Variants in PCDH9 observed in about 807,000 individuals in gnomAD.
The protein encoded by PCDH9 is protocadherin 9, also known as protocadherin-9.
In PCDH9, 24 loss-of-function variants were observed where a neutral mutation model predicts 70.6. The observed-to-expected ratio is 0.34, with a 90% CI of 0.25 to 0.48. PCDH9 has a LOEUF of 0.48. Ranked by LOEUF, PCDH9 falls within the 20% of genes least tolerant of loss-of-function variation. PCDH9 has a pLI of 0.99. For missense variants in PCDH9, 1,281 were observed against 1,503.6 expected (o/e 0.85, Z 2.45); for synonymous variants, 562 against 558.5 (o/e 1.01, Z -0.09).
At chr13:67,202,238 G>C (rs1404538568) in intron 2 of PCDH9, 1 of 151,836 alleles carries the variant, frequency 6.6e-6, no homozygotes, top group African/African-American at 2.4e-5. Context: ...AATGTACTTT[G>C]CACTTAAATA....
In PCDH9 at chr13:66,848,038, A is replaced by C. The variant is rs376143066; in HGVS notation, c.3138+55466T>G. On this transcript the variant is annotated intron_variant, in intron 3 of 4. Transcript: ENST00000377865. ...ATGTTTTTAGTTTGATTCTTCCACT[A>C]TCTCTGATTTCTTATTACCCATGGC... Among the ~76,000 whole-genome samples the C allele has an allele frequency of 9.9e-5, 15 of 152,250 alleles. No individual in the cohort carries two copies. The East Asian group carries it at 1.2e-3, about 12-fold the overall frequency.
At chr13:67,146,625 A>G (rs118020368) in intron 2 of PCDH9, among the ~76,000 whole-genome samples, 5 of 152,312 alleles carry the variant, frequency 3.3e-5, no homozygotes, top group Non-Finnish European at 7.3e-5. Context: ...AAACCAGCAA[A>G]TGACCCTATC....
At chr13:66,957,782 C>A (rs1235708180) in intron 2 of PCDH9, among the ~76,000 whole-genome samples, 1 of 152,052 alleles carries the variant, frequency 6.6e-6, no homozygotes, top group African/African-American at 2.4e-5. Flanking sequence ...CCCAACCACA[C>A]TGGCACTCTG....
chr13:66,817,800 T>G (rs1211705655), intron 3 of PCDH9, among the ~76,000 whole-genome samples: 1 of 151,988 alleles, frequency 6.6e-6, no homozygotes, highest in East Asian at 1.9e-4. Context: ...CACCCCCAAG[T>G]AATTTTTTGT....
rs193241234 is a variant in PCDH9, at chr13:66,610,609, T to C, written c.3340+20601A>G. Among the ~76,000 whole-genome samples, 85 of 152,294 alleles carry C rather than the reference T, an allele frequency of 5.6e-4. 1 individual carries two copies. The highest frequency in any genetic ancestry group is 2.0e-3 in the African/African-American group (83 of 41,574). ...GGCTCAAAATACCTGAACTTCTTATTTTAAATCATAATCTTCTACTACACA... is the reference window on the plus strand; with the variant it reads ...GGCTCAAAATACCTGAACTTCTTATCTTAAATCATAATCTTCTACTACACA... On this transcript the variant is annotated intron_variant, in intron 4 of 4. Coordinates refer to ENST00000377865, the MANE Select transcript of PCDH9 (RefSeq NM_203487.3).
chr13:67,139,046 T>A (rs777767575), intron 2 of PCDH9, among the ~76,000 whole-genome samples: 8 of 152,170 alleles, frequency 5.3e-5, no homozygotes, highest in Non-Finnish European at 7.4e-5. Flanking sequence ...GAAATGCCAC[T>A]CCGTTCAATT....
At chr13:67,221,157 C>T (rs1248213897) in intron 2 of PCDH9, 2 of 152,032 alleles carry the variant, frequency 1.3e-5, no homozygotes, top group South Asian at 2.1e-4. Context: ...TATATCTATT[C>T]CAGAATTTAA....
chr13:66,959,016 T>C (rs1351437927), intron 2 of PCDH9, among the ~76,000 whole-genome samples: 1 of 152,244 alleles, frequency 6.6e-6, no homozygotes, highest in Non-Finnish European at 1.5e-5. Flanking sequence ...CAGTTTTAAA[T>C]AATCACTTAC....
At chr13:66,768,801 A>G (rs1464159872) in intron 3 of PCDH9, among the ~76,000 whole-genome samples, 1 of 152,080 alleles carries the variant, frequency 6.6e-6, no homozygotes, top group Non-Finnish European at 1.5e-5. Flanking sequence ...TGTGGATCAG[A>G]TGTCTTCCTT....
At chr13:66,327,540 A>G (rs1034647944) in intron 4 of PCDH9, among the ~76,000 whole-genome samples, 24 of 152,194 alleles carry the variant, frequency 1.6e-4, no homozygotes, top group Non-Finnish European at 2.8e-4. Flanking sequence ...ACCTAGGAGT[A>G]ACAAAAATAA....
At chr13:66,349,106 A>G (rs1956256259) in intron 4 of PCDH9, among the ~76,000 whole-genome samples, 1 of 152,192 alleles carries the variant, frequency 6.6e-6, no homozygotes, top group African/African-American at 2.4e-5. Context: ...TGAATTACTG[A>G]GAGTTTGACA....
chr13:66,897,168 C>G (rs974487709), intron 3 of PCDH9, among the ~76,000 whole-genome samples: 1 of 150,722 alleles, frequency 6.6e-6, no homozygotes, highest in African/African-American at 2.4e-5. Flanking sequence ...GCATGCATAA[C>G]GTTGCCTCTG....
At chr13:67,146,792 A>G (rs2087533522) in intron 2 of PCDH9, among the ~76,000 whole-genome samples, 2 of 152,210 alleles carry the variant, frequency 1.3e-5, no homozygotes, top group South Asian at 4.1e-4. Context: ...ACTCTGCCAG[A>G]AAAGCCTACT....
chr13:67,037,251 T>C (rs1353640675), intron 2 of PCDH9, among the ~76,000 whole-genome samples: 3 of 152,304 alleles, frequency 2.0e-5, no homozygotes, highest in Admixed American at 2.0e-4. Flanking sequence ...GTTGGAACTG[T>C]TCTTTATCAG....
chr13:67,040,139 C>G (rs1244921229), intron 2 of PCDH9, among the ~76,000 whole-genome samples: 1 of 152,168 alleles, frequency 6.6e-6, no homozygotes, highest in African/African-American at 2.4e-5. Flanking sequence ...CAGAATTGGG[C>G]TATTTCATAA....
At chr13:66,638,776 G>T (rs1210634761) in intron 3 of PCDH9, among the ~76,000 whole-genome samples, 11 of 152,116 alleles carry the variant, frequency 7.2e-5, no homozygotes, top group Non-Finnish European at 4.4e-5. Flanking sequence ...AAATATTATT[G>T]TCCATCCTTC....
intron 4 of PCDH9, among the ~76,000 whole-genome samples, chr13:66,533,994 T>G (rs947590339): frequency 6.6e-6 from 1 of 152,182 alleles, no homozygotes; most frequent in Non-Finnish European, 1.5e-5. Flanking sequence ...ATACACTTCC[T>G]TTGTTTTTAT....
intron 3 of PCDH9, among the ~76,000 whole-genome samples, chr13:66,755,216 T>A (rs1014024948): frequency 1.3e-5 from 2 of 152,196 alleles, no homozygotes; most frequent in Admixed American, 6.6e-5. Flanking sequence ...TTTAATTTGA[T>A]CCTCACAATA....
chr13:66,825,366 TCG>T (rs1170086012), intron 3 of PCDH9: 1 of 141,706 alleles, frequency 7.1e-6, no homozygotes, highest in Non-Finnish European at 1.5e-5. Flanking sequence ...AGACGGAGTT[TCG>T]CTCTGTCGCC....
Sources: allele counts gnomAD v4.1 joint callset (sites outside exome capture counted in the v4.1 genomes callset), GRCh38; gene constraint gnomAD v4.1.1; transcripts MANE v1.5; gene names NCBI Gene and HGNC (gene_info 2026-07-23, HGNC 2026-07-21).